The following AHRR variants were observed in gnomAD, a reference collection of about 807,000 sequenced individuals.
AHRR encodes ahR repressor.
A neutral mutation model predicts 44.0 loss-of-function variants in AHRR; 28 were observed. The observed-to-expected ratio is 0.64, with a 90% CI of 0.47 to 0.87. AHRR has a LOEUF of 0.87. Ranked by LOEUF, AHRR falls within the 40% of genes least tolerant of loss-of-function variation. The pLI is 0.00. For synonymous variants in AHRR, 434 were observed against 407.0 expected (o/e 1.07, Z -0.80); for missense variants, 990 against 953.9 (o/e 1.04, Z -0.50).
At chr5:335,609 C>G (rs1201115148) in intron 1 of AHRR, among the ~76,000 whole-genome samples, 1 of 152,226 alleles carries the variant, frequency 6.6e-6, no homozygotes, top group Non-Finnish European at 1.5e-5. Context: ...GGGTGATTTT[C>G]AGGGCCCATG....
At chr5:335,532 C>A (rs956118183) in intron 1 of AHRR, among the ~76,000 whole-genome samples, 3 of 152,198 alleles carry the variant, frequency 2.0e-5, no homozygotes, top group African/African-American at 7.2e-5. Context: ...GGATGCTGGG[C>A]AGAGCTGGAC....
At chr5:344,964 T>TGTG (rs148647331) in intron 2 of AHRR, among the ~76,000 whole-genome samples, 48,926 of 65,204 alleles carry the variant, frequency 0.75, 17,499 homozygotes, top group African/African-American at 0.79. Context: ...TGTGTGAGGT[T>TGTG]GGGGGCTGTG....
chr5:434,792 G>A lies in AHRR; in HGVS notation c.2052G>A (p.Thr684=), dbSNP rs763214731. The change falls in exon 11 of 11, where the codon ACG becomes ACA. Residue 684 remains threonine, a synonymous_variant. Coordinates refer to ENST00000684583, the MANE Select transcript of AHRR (RefSeq NM_001377236.1). ...PGMLPKSALA[T]LVPPQASGCT... Reference sequence around the variant, plus strand: ...TGTTGCCCAAAAGTGCCTTGGCCACGCTGGTCCCGCCCCAAGCTTCGGGGT... The same window carrying A: ...TGTTGCCCAAAAGTGCCTTGGCCACACTGGTCCCGCCCCAAGCTTCGGGGT... 9.0e-6 allele frequency: 14 copies of A among 1,553,806 alleles called. No homozygotes were observed. Among genetic ancestry groups the A allele is most frequent in the South Asian group, 7.1e-5 (6 of 84,358 alleles).
At chr5:429,678 C>T (rs953168012) in intron 8 of AHRR, among the ~76,000 whole-genome samples, 11 of 152,262 alleles carry the variant, frequency 7.2e-5, no homozygotes, top group Non-Finnish European at 1.0e-4. Context: ...TGTTCGTGGC[C>T]TCCCCACTCT....
chr5:413,339 T>G lies in AHRR; in HGVS notation c.352-5T>G. 1 of 1,584,028 alleles carries G rather than the reference T, an allele frequency of 6.3e-7. No homozygotes were observed. The highest frequency in any genetic ancestry group is 1.9e-5 in the Admixed American group (1 of 52,066). On this transcript the variant is annotated splice_polypyrimidine_tract_variant and splice_region_variant and intron_variant, in intron 4 of 10. Transcript: ENST00000684583. ...TTTTTTTTTTTGTTTTGTTTTTTCT[T>G]CTAGTCTCTTAATGGCTTTGCTCTG...
chr5:336,222 C>A (rs1014027245), intron 1 of AHRR, among the ~76,000 whole-genome samples: 2 of 152,156 alleles, frequency 1.3e-5, no homozygotes, highest in African/African-American at 4.8e-5. Context: ...AAGTGGACTG[C>A]GGGAAGACCC....
intron 3 of AHRR, among the ~76,000 whole-genome samples, chr5:376,300 GA>G (rs1733633075): frequency 6.6e-6 from 1 of 152,158 alleles, no homozygotes; most frequent in Non-Finnish European, 1.5e-5. Flanking sequence ...GGCAGGAGGG[GA>G]CAGAGAGCAG....
chr5:379,626 G>A (rs1733900259), intron 4 of AHRR, among the ~76,000 whole-genome samples: 1 of 152,120 alleles, frequency 6.6e-6, no homozygotes, highest in Non-Finnish European at 1.5e-5. Flanking sequence ...ATTTGCATCC[G>A]TGTGTCATCT....
At chr5:420,730 G>C (rs1736042528) in intron 5 of AHRR, among the ~76,000 whole-genome samples, 1 of 149,058 alleles carries the variant, frequency 6.7e-6, no homozygotes, top group African/African-American at 2.5e-5. Flanking sequence ...GCCCAGAAGG[G>C]ACTGGGCAAG....
At position 419,337 on chromosome 5, in the gene AHRR, G is replaced by A. The variant is rs1168524046; in HGVS notation, c.442-3392G>A. ...GTGCCACCAAGCCTGGCTAAATTTT[G>A]TATTTTTAGAAGAGACGGGGCTTCA... On this transcript the variant is annotated intron_variant, in intron 5 of 10. Transcript: ENST00000684583. The surrounding 1 kb of genome is among the most constrained non-coding windows in gnomAD (Gnocchi z 4.4). Among the ~76,000 whole-genome samples, 2 of 152,042 alleles carry A rather than the reference G, an allele frequency of 1.3e-5. No individual in the cohort carries two copies. The highest frequency in any genetic ancestry group is 4.8e-5 in the African/African-American group (2 of 41,406).
chr5:376,341 G>A (rs545850880), intron 3 of AHRR, among the ~76,000 whole-genome samples: 2 of 152,270 alleles, frequency 1.3e-5, no homozygotes, highest in East Asian at 1.9e-4. Context: ...GTGTGGGGGC[G>A]TCCTCAGGCC....
chr5:337,201 G>T lies in AHRR; in HGVS notation c.-10-6692G>T, dbSNP rs1444271578. Among the ~76,000 whole-genome samples, 1 of 151,946 alleles carries T rather than the reference G, an allele frequency of 6.6e-6. No individual in the cohort carries two copies. Among genetic ancestry groups the T allele is most frequent in the Admixed American group, 6.6e-5 (1 of 15,240 alleles). On this transcript the variant is annotated intron_variant, in intron 1 of 10. Coordinates refer to ENST00000684583, the MANE Select transcript of AHRR (RefSeq NM_001377236.1). This position sits in a 1 kb window ranked among gnomAD's most constrained non-coding sequence, Gnocchi z 4.1. ...CATAGGTAATCAACTATCAATATTGGCTGATCCAGTTTCATTTAAAGTCCA... is the reference window on the plus strand; with the variant it reads ...CATAGGTAATCAACTATCAATATTGTCTGATCCAGTTTCATTTAAAGTCCA...
chr5:329,466 A>C (rs1353357144), intron 1 of AHRR, among the ~76,000 whole-genome samples: 1 of 152,204 alleles, frequency 6.6e-6, no homozygotes, highest in African/African-American at 2.4e-5. Flanking sequence ...TTGGCCTCCC[A>C]AAGTGCTAGG....
Position 431,404 on chromosome 5 carries a change from C to T in AHRR, c.909-1059C>T, listed in dbSNP as rs138438621. 2.3e-3 allele frequency among the ~76,000 whole-genome samples: 354 copies of T among 152,326 alleles called. 3 individuals are homozygous for T. Among genetic ancestry groups the T allele is most frequent in the African/African-American group, 8.1e-3 (335 of 41,570 alleles). ...TTGCCAAACCAAGAATACTGACTCC[C>T]ATGAGCCGAAGGCTTTTGGAATTCT... On this transcript the variant is annotated intron_variant, in intron 8 of 10. Coordinates refer to ENST00000684583, the MANE Select transcript of AHRR (RefSeq NM_001377236.1).
chr5:402,841 C>T (rs993650179), intron 4 of AHRR, among the ~76,000 whole-genome samples: 5 of 152,218 alleles, frequency 3.3e-5, no homozygotes, highest in Non-Finnish European at 4.4e-5. Context: ...TCTGTGTATA[C>T]ACCATGGAAT....
rs1188881164 is a variant in AHRR, at chr5:411,981, A to T, written c.352-1363A>T. On this transcript the variant is annotated intron_variant, in intron 4 of 10. Coordinates refer to ENST00000684583, the MANE Select transcript of AHRR (RefSeq NM_001377236.1). The surrounding 1 kb of genome is among the most constrained non-coding windows in gnomAD (Gnocchi z 4.2). ...GCCATGGACAGATCCTGCGACTCAG[A>T]GGCCACCGTCTTTCGCGCATCCTCA... Among the ~76,000 whole-genome samples the T allele has an allele frequency of 6.6e-6, 1 of 152,196 alleles. No individual in the cohort carries two copies. The highest frequency in any genetic ancestry group is 2.4e-5 in the African/African-American group (1 of 41,434).
At chr5:373,590 T>C (rs1358450719) in intron 3 of AHRR, among the ~76,000 whole-genome samples, 3 of 149,552 alleles carry the variant, frequency 2.0e-5, no homozygotes, top group Admixed American at 2.0e-4. Flanking sequence ...CTGCGGTGGC[T>C]GGGCGGAGGG....
At chr5:413,685 C>G (rs1052501116) in intron 5 of AHRR, among the ~76,000 whole-genome samples, 1 of 152,302 alleles carries the variant, frequency 6.6e-6, no homozygotes, top group Non-Finnish European at 1.5e-5. Context: ...GGCGTGCGGA[C>G]GGCAGCATGG....
intron 4 of AHRR, among the ~76,000 whole-genome samples, chr5:401,059 A>G (rs1398790731): frequency 1.3e-5 from 2 of 152,216 alleles, no homozygotes; most frequent in Non-Finnish European, 2.9e-5. Flanking sequence ...TGCCCGGCTC[A>G]GAGCGGGCAG....
Sources: gnomAD v4.1 joint callset for allele counts (sites outside exome capture counted in the v4.1 genomes callset) on GRCh38, gnomAD v4.1.1 for gene constraint, Gnocchi (gnomAD v3.1) non-coding constraint, MANE v1.5 for transcripts, NCBI Gene and HGNC (gene_info 2026-07-23, HGNC 2026-07-21) for gene names.